DPP6: variants seen among roughly 807,000 people sequenced by gnomAD.
The protein encoded by DPP6 is dipeptidyl peptidase like 6.
In DPP6, 69 loss-of-function variants were observed where a neutral mutation model predicts 122.6. That is an observed-to-expected ratio of 0.56 (90% CI 0.46 to 0.69). The LOEUF is 0.69. DPP6 is among the 30% of genes least tolerant of loss of function. The pLI is 0.00. For synonymous variants in DPP6, 418 were observed against 433.1 expected, an observed-to-expected ratio of 0.97 and a Z score of 0.43; for missense variants, 928 against 1,116.9, an observed-to-expected ratio of 0.83 and a Z score of 2.41.
In DPP6 at chr7:154,164,992, A is replaced by T. The variant is rs1045781520; in HGVS notation, c.243+111929A>T. On this transcript the variant is annotated intron_variant, in intron 1 of 25. Coordinates refer to ENST00000377770, the MANE Select transcript of DPP6 (RefSeq NM_130797.4). Reference sequence around the variant, plus strand: ...TAATCATTCTAATTAGCCATTTTGTACTTTTTTTTAAAGTTTTTTTTCTTT... The same window carrying T: ...TAATCATTCTAATTAGCCATTTTGTTCTTTTTTTTAAAGTTTTTTTTCTTT... Among the ~76,000 whole-genome samples, 73 of 147,024 alleles carry T rather than the reference A, an allele frequency of 5.0e-4. 1 individual carries two copies. Among genetic ancestry groups the T allele is most frequent in the Middle Eastern group, 6.8e-3 (2 of 294 alleles).
rs543466991 is a variant in DPP6, at chr7:154,481,143, T to C, written c.457+6106T>C. Reference sequence around the variant, plus strand: ...TAGCTCAGGTGCAAGGAGAAGGGGATGCTTGGGTGACTGGGGTGGAATTTT... The same window carrying C: ...TAGCTCAGGTGCAAGGAGAAGGGGACGCTTGGGTGACTGGGGTGGAATTTT... On this transcript the variant is annotated intron_variant, in intron 3 of 25. Coordinates refer to ENST00000377770, the MANE Select transcript of DPP6 (RefSeq NM_130797.4). The surrounding 1 kb of genome is among the most constrained non-coding windows in gnomAD (Gnocchi z 4.2). 1.3e-5 allele frequency among the ~76,000 whole-genome samples: 2 copies of C among 152,246 alleles called. No individual in the cohort carries two copies. Among genetic ancestry groups the C allele is most frequent in the South Asian group, 2.1e-4 (1 of 4,822 alleles).
intron 1 of DPP6, among the ~76,000 whole-genome samples, chr7:153,997,668 A>G (rs1157828029): frequency 6.7e-6 from 1 of 149,422 alleles, no homozygotes; most frequent in Non-Finnish European, 1.5e-5. Flanking sequence ...TCTCCTCTTA[A>G]GCACACAAAA....
At chr7:154,714,584 G>T (rs1841375255) in intron 7 of DPP6, among the ~76,000 whole-genome samples, 1 of 152,126 alleles carries the variant, frequency 6.6e-6, no homozygotes, top group East Asian at 1.9e-4. Flanking sequence ...GGTCTTGTGA[G>T]AACTAACTCA....
rs142952045 is a variant in DPP6, at chr7:154,507,445, G to T, written c.457+32408G>T. On this transcript the variant is annotated intron_variant, in intron 3 of 25. Transcript: ENST00000377770. ...AATGCTCTCCCTCCCCTTGCTCCCC[G>T]CCCTGATATGCCCCAGTAAGAAACC... 6.7e-3 allele frequency among the ~76,000 whole-genome samples: 1,020 copies of T among 152,062 alleles called. 6 individuals are homozygous for T. The highest frequency in any genetic ancestry group is 0.024 in the Middle Eastern group (7 of 294).
At chr7:154,473,384 T>C (rs920704170) in intron 2 of DPP6, among the ~76,000 whole-genome samples, 4 of 152,194 alleles carry the variant, frequency 2.6e-5, no homozygotes, top group South Asian at 4.1e-4. Flanking sequence ...TAGCTCCATA[T>C]ACAGTCATGT....
chr7:154,040,384 A>C (rs1387817717), intron 1 of DPP6, among the ~76,000 whole-genome samples: 1 of 150,600 alleles, frequency 6.6e-6, no homozygotes, highest in Non-Finnish European at 1.5e-5. Flanking sequence ...CTAAATCATC[A>C]AAATAAGTTG....
At chr7:153,879,914 AGTCCCCGCTAT>A in the DPP6 span, among the ~76,000 whole-genome samples, 1 of 152,222 alleles carries the variant, frequency 6.6e-6, no homozygotes, top group South Asian at 2.1e-4. Flanking sequence ...TGGGCCCAAA[AGTCCCCGCTAT>A]GTTGGTAGAC....
At chr7:154,361,362 G>A (rs1286398079) in intron 1 of DPP6, among the ~76,000 whole-genome samples, 1 of 152,192 alleles carries the variant, frequency 6.6e-6, no homozygotes, top group Admixed American at 6.5e-5. Flanking sequence ...GAAGGTCACA[G>A]TGAGATAGAC....
intron 1 of DPP6, among the ~76,000 whole-genome samples, chr7:153,986,132 C>G (rs1796837185): frequency 6.6e-6 from 1 of 152,198 alleles, no homozygotes; most frequent in African/African-American, 2.4e-5. Context: ...CGACCTACAT[C>G]CCTTCTGATG....
intron 1 of DPP6, among the ~76,000 whole-genome samples, chr7:154,134,030 G>T (rs964799851): frequency 6.6e-6 from 1 of 151,832 alleles, no homozygotes; most frequent in Non-Finnish European, 1.5e-5. Flanking sequence ...AGGTTCAAAA[G>T]GCTAATTTGG....
chr7:153,987,531 A>G (rs184221847), intron 1 of DPP6, among the ~76,000 whole-genome samples: 2 of 151,628 alleles, frequency 1.3e-5, no homozygotes, highest in East Asian at 3.9e-4. Flanking sequence ...TATAATTTAC[A>G]GAAGTGGGAA....
At chr7:154,420,021 A>G (rs1426817294) in intron 1 of DPP6, among the ~76,000 whole-genome samples, 1 of 152,182 alleles carries the variant, frequency 6.6e-6, no homozygotes, top group Non-Finnish European at 1.5e-5. Flanking sequence ...TGTACATACA[A>G]TGGAATATTA....
rs1266602263 is a variant in DPP6 at position 154,062,058 on chromosome 7, C to T, written c.243+8995C>T. On this transcript the variant is annotated intron_variant, in intron 1 of 25. Transcript: ENST00000377770. Reference sequence around the variant, plus strand: ...CCGCGAGGCAGGGACTGACAGCCAGCCCCTGGTTCCCCCACTGGCTCTTAG... The same window carrying T: ...CCGCGAGGCAGGGACTGACAGCCAGTCCCTGGTTCCCCCACTGGCTCTTAG... Among the ~76,000 whole-genome samples, 97 of 101,766 alleles carry T rather than the reference C, an allele frequency of 9.5e-4. 10 individuals are homozygous for T. Among genetic ancestry groups the T allele is most frequent in the East Asian group, 5.1e-3 (16 of 3,168 alleles). 66.8% of individuals were successfully genotyped at this position (101,766 alleles called of 152,430 possible).
At position 154,137,382 on chromosome 7, in the gene DPP6, C is replaced by T. The variant is rs1387546929; in HGVS notation, c.243+84319C>T. 2.0e-5 allele frequency among the ~76,000 whole-genome samples: 3 copies of T among 151,928 alleles called. No individual in the cohort carries two copies. In the East Asian group the frequency reaches 5.8e-4, roughly 30 times the overall value. On this transcript the variant is annotated intron_variant, in intron 1 of 25. Transcript: ENST00000377770. The stretch of plus-strand genomic sequence containing the variant: ...AATACAGTTAGACCATTTGAGTCAC[C>T]TTCTCTAGAGAGATAACACAAAAGC...
At position 154,889,954 on chromosome 7, in the gene DPP6, C is replaced by T. The variant is rs781358050; in HGVS notation, c.2451+424C>T. 28 of 188,670 alleles carry T rather than the reference C, an allele frequency of 1.5e-4. No individual in the cohort carries two copies. The Middle Eastern group carries it at 6.8e-3, about 46-fold the overall frequency. The allele number at this position is 188,670 out of a possible 1,614,324, so 11.7% of individuals were successfully genotyped here. A position where few individuals can be genotyped will look rare whatever the true frequency, so the allele number is the denominator to read the frequency against. On this transcript the variant is annotated intron_variant, in intron 25 of 25. Transcript: ENST00000377770. ...CCCCACTGCTTCCCTCTGACCAACA[C>T]CACATGTTACTACGCACTAGCAGGA...
At chr7:154,686,267 T>C (rs112092232) in intron 7 of DPP6, among the ~76,000 whole-genome samples, 9 of 152,290 alleles carry the variant, frequency 5.9e-5, no homozygotes, top group East Asian at 1.9e-4. Context: ...AACTCTTAAG[T>C]CTGGACTCTG....
chr7:153,993,251 G>A (rs565961536), intron 1 of DPP6, among the ~76,000 whole-genome samples: 1 of 152,304 alleles, frequency 6.6e-6, no homozygotes, highest in South Asian at 2.1e-4. Context: ...GCAATGAACA[G>A]ATGAATGAAC....
intron 1 of DPP6, among the ~76,000 whole-genome samples, chr7:154,181,912 C>G (rs921814475): frequency 4.6e-5 from 7 of 152,048 alleles, no homozygotes; most frequent in Non-Finnish European, 1.0e-4. Flanking sequence ...CCACACCCAG[C>G]TAATTTTTTT....
At chr7:153,884,538 A>G (rs1489628168), upstream of DPP6, among the ~76,000 whole-genome samples, 3 of 152,228 alleles carry the variant, frequency 2.0e-5, no homozygotes, top group African/African-American at 7.2e-5. Flanking sequence ...GTATATACCC[A>G]AAGGAATATA....
Sources: allele counts gnomAD v4.1 joint callset (sites outside exome capture counted in the v4.1 genomes callset), GRCh38; gene constraint gnomAD v4.1.1; non-coding constraint Gnocchi (gnomAD v3.1); transcripts MANE v1.5; gene names NCBI Gene and HGNC (gene_info 2026-07-23, HGNC 2026-07-21).